Variants in PTGER4 observed in about 807,000 individuals in gnomAD.
PTGER4 encodes prostaglandin E2 receptor EP4 subtype.
A neutral mutation model predicts 33.2 loss-of-function variants in PTGER4; 11 were observed. That is an observed-to-expected ratio of 0.33 (90% CI 0.21 to 0.55). PTGER4 has a LOEUF of 0.55. Among genes scored for constraint, PTGER4 ranks in the 20% least tolerant of loss-of-function variants. The pLI is 0.92. For missense variants in PTGER4, 481 were observed against 650.2 expected (o/e 0.74, Z 2.83); for synonymous variants, 275 against 281.5 (o/e 0.98, Z 0.23).
chr5:40,737,841 T>G, the PTGER4 span, among the ~76,000 whole-genome samples: 1 of 152,242 alleles, frequency 6.6e-6, no homozygotes, highest in East Asian at 1.9e-4. Flanking sequence ...TCAGACGGTA[T>G]GTACTCTTCC....
chr5:40,684,820 C>T (rs974554674), intron 2 of PTGER4, among the ~76,000 whole-genome samples: 1 of 152,050 alleles, frequency 6.6e-6, no homozygotes, highest in Non-Finnish European at 1.5e-5. Context: ...TAACCAGTCT[C>T]ATAGTTTTTT....
At chr5:40,742,505 A>G in the PTGER4 span, among the ~76,000 whole-genome samples, 1 of 152,230 alleles carries the variant, frequency 6.6e-6, no homozygotes, top group Non-Finnish European at 1.5e-5. Context: ...AAGCTGGTCA[A>G]CAGCAGAACT....
the PTGER4 span, chr5:40,715,597 T>C: frequency 1.3e-5 from 2 of 152,382 alleles, no homozygotes; most frequent in African/African-American, 4.8e-5. Context: ...AATGTACACA[T>C]TTGTGTGCAT....
chr5:40,721,353 ATATAT>A, the PTGER4 span, among the ~76,000 whole-genome samples: 209 of 152,310 alleles, frequency 1.4e-3, no homozygotes, highest in African/African-American at 4.9e-3. Flanking sequence ...GAATTTCAAA[ATATAT>A]TACAAAGTGA....
chr5:40,683,548 T>C lies in PTGER4; in HGVS notation c.867+1688T>C, dbSNP rs1741249366. Among the ~76,000 whole-genome samples, 1 of 152,222 alleles carries C rather than the reference T, an allele frequency of 6.6e-6. No homozygotes were observed. ...GAACAGTAAATGACAAAGTGAATGG[T>C]TGTTATTTTCAGAACATCCACTTAA... On this transcript the variant is annotated intron_variant, in intron 2 of 2. Coordinates refer to ENST00000302472, the MANE Select transcript of PTGER4 (RefSeq NM_000958.3). This position sits in a 1 kb window ranked among gnomAD's most constrained non-coding sequence, Gnocchi z 4.2.
downstream of PTGER4, among the ~76,000 whole-genome samples, chr5:40,696,309 A>T (rs1473075800): frequency 6.6e-6 from 1 of 152,192 alleles, no homozygotes; most frequent in East Asian, 1.9e-4. Flanking sequence ...AAGTACTTGT[A>T]CTAGTCTCAG....
At chr5:40,741,619 C>T in the PTGER4 span, among the ~76,000 whole-genome samples, 1 of 152,306 alleles carries the variant, frequency 6.6e-6, no homozygotes, top group South Asian at 2.1e-4. Flanking sequence ...CATCTCCTCA[C>T]GCAGCAAGAC....
intron 2 of PTGER4, among the ~76,000 whole-genome samples, chr5:40,690,956 C>CA (rs1242198592): frequency 6.6e-6 from 1 of 152,200 alleles, no homozygotes. Flanking sequence ...AAGATAGTTA[C>CA]AAAAATATTA....
At chr5:40,745,766 A>T in the PTGER4 span, among the ~76,000 whole-genome samples, 1 of 151,108 alleles carries the variant, frequency 6.6e-6, no homozygotes, top group Non-Finnish European at 1.5e-5. Flanking sequence ...ACAGGGTCTC[A>T]CTCTGTAGCC....
chr5:40,726,188 A>T, the PTGER4 span, among the ~76,000 whole-genome samples: 3 of 148,372 alleles, frequency 2.0e-5, no homozygotes, highest in East Asian at 2.0e-4. Flanking sequence ...TATATATATA[A>T]AATGTATACC....
chr5:40,693,708 G>A lies in PTGER4; in HGVS notation c.*1330G>A. 2 of 980,804 alleles carry A rather than the reference G, an allele frequency of 2.0e-6. No homozygotes were observed. The highest frequency in any genetic ancestry group is 2.4e-6 in the Non-Finnish European group (2 of 825,288). 60.8% of individuals were successfully genotyped at this position (980,804 alleles called of 1,614,324 possible). ...CAGTTGTACCAAGTGAAATTATTTT[G>A]GAGATTATAATAAATATATACATTC... On this transcript the variant is annotated 3_prime_UTR_variant, in exon 3 of 3. Transcript: ENST00000302472.
the PTGER4 span, among the ~76,000 whole-genome samples, chr5:40,707,132 A>C: frequency 6.6e-6 from 1 of 152,224 alleles, no homozygotes; most frequent in African/African-American, 2.4e-5. Context: ...TAACGAGCAA[A>C]ATAACCAGCT....
chr5:40,706,174 T>C, the PTGER4 span, among the ~76,000 whole-genome samples: 1 of 152,146 alleles, frequency 6.6e-6, no homozygotes, highest in African/African-American at 2.4e-5. Context: ...ATGTCTTTCA[T>C]GGGAACACGG....
the PTGER4 span, among the ~76,000 whole-genome samples, chr5:40,740,332 C>A: frequency 2.6e-5 from 4 of 151,454 alleles, no homozygotes; most frequent in African/African-American, 9.7e-5. Context: ...GAAGTCCAGG[C>A]CTACTGGTAA....
At chr5:40,726,143 TTA>T in the PTGER4 span, among the ~76,000 whole-genome samples, 13 of 78,872 alleles carry the variant, frequency 1.6e-4, no homozygotes, top group African/African-American at 2.5e-4. Flanking sequence ...ATAAAGTCTT[TTA>T]TATATATATA....
chr5:40,745,680 C>A, the PTGER4 span, among the ~76,000 whole-genome samples: 1 of 151,304 alleles, frequency 6.6e-6, no homozygotes, highest in Non-Finnish European at 1.5e-5. Context: ...CAAGCCACCA[C>A]ACACAGCCAG....
the PTGER4 span, chr5:40,716,279 C>T: frequency 1.2e-6 from 2 of 1,614,242 alleles, no homozygotes; most frequent in South Asian, 1.1e-5. Flanking sequence ...TCTTTCTCAG[C>T]AATAGCTGCA....
chr5:40,704,096 C>T, the PTGER4 span, among the ~76,000 whole-genome samples: 4 of 151,918 alleles, frequency 2.6e-5, no homozygotes, highest in Non-Finnish European at 5.9e-5. Flanking sequence ...CAACAAAATA[C>T]CTACAAACCA....
chr5:40,725,561 G>A, the PTGER4 span, among the ~76,000 whole-genome samples: 8 of 152,222 alleles, frequency 5.3e-5, no homozygotes, highest in South Asian at 2.1e-4. Context: ...CACAGAGCCC[G>A]AAGAAGGGAA....
Sources: gnomAD v4.1 joint callset for allele counts (sites outside exome capture counted in the v4.1 genomes callset) on GRCh38, gnomAD v4.1.1 for gene constraint, Gnocchi (gnomAD v3.1) non-coding constraint, MANE v1.5 for transcripts, NCBI Gene and HGNC (gene_info 2026-07-23, HGNC 2026-07-21) for gene names.